Variants in YIPF7 observed in about 807,000 individuals in gnomAD.
YIPF7 encodes Yip1 domain family member 7, also known as protein YIPF7.
Under a neutral mutation model 27.2 loss-of-function variants are expected in YIPF7, and 35 were observed. The ratio of observed to expected loss-of-function variants is 1.29; its 90% CI spans 0.98 to 1.70. The LOEUF (loss-of-function observed/expected upper bound fraction) is 1.70, where lower values mean the gene tolerates loss of function less well. Among genes scored for constraint, YIPF7 ranks in the 40% most tolerant of loss-of-function variants. The probability of loss-of-function intolerance (pLI) is 0.00; values close to 1 mark genes in which losing one functional copy is unlikely to be tolerated. For missense variants in YIPF7, 358 were observed against 303.7 expected (o/e 1.18, Z -1.33); for synonymous variants, 137 against 110.4 (o/e 1.24, Z -1.51).
intron 5 of YIPF7, among the ~76,000 whole-genome samples, chr4:44,622,992 G>T (rs1443820270): frequency 6.6e-6 from 1 of 152,156 alleles, no homozygotes; most frequent in African/African-American, 2.4e-5. Flanking sequence ...ACATTCCAGT[G>T]GGGTGCCTAG....
chr4:44,639,072 A>G (rs938126788), intron 2 of YIPF7, among the ~76,000 whole-genome samples: 40 of 152,172 alleles, frequency 2.6e-4, no homozygotes, highest in African/African-American at 9.2e-4. Flanking sequence ...TAGCAGTACC[A>G]TGCTGTTCTG....
At chr4:44,637,448 G>C (rs1713167306) in intron 2 of YIPF7, among the ~76,000 whole-genome samples, 1 of 152,088 alleles carries the variant, frequency 6.6e-6, no homozygotes, top group African/African-American at 2.4e-5. Context: ...CTGACTGGGG[G>C]AAGATGATAT....
At chr4:44,624,265 C>T (rs536102968) in intron 5 of YIPF7, among the ~76,000 whole-genome samples, 14 of 151,812 alleles carry the variant, frequency 9.2e-5, no homozygotes, top group South Asian at 2.1e-4. Flanking sequence ...GGTTTCTCCA[C>T]GCTGGTTAGG....
intron 2 of YIPF7, among the ~76,000 whole-genome samples, chr4:44,641,941 A>T (rs1198179809): frequency 6.6e-6 from 1 of 152,234 alleles, no homozygotes; most frequent in East Asian, 1.9e-4. Context: ...AATTAGCAAT[A>T]GGAATCCGAA....
intron 3 of YIPF7, among the ~76,000 whole-genome samples, chr4:44,632,057 G>A (rs114309495): frequency 0.014 from 2,084 of 152,072 alleles, 24 homozygotes; most frequent in Middle Eastern, 0.031. Flanking sequence ...ATATTTTAAC[G>A]TCAAACCATG....
At chr4:44,660,093 G>GACAGAGCAAGACTCTGTCTCAAA (rs1714002784) in intron 2 of YIPF7, among the ~76,000 whole-genome samples, 1 of 69,338 alleles carries the variant, frequency 1.4e-5, no homozygotes, top group Non-Finnish European at 2.8e-5. Context: ...CAGCCTGGGT[G>GACAGAGCAAGACTCTGTCTCAAA]ACAGAGCAAG....
At chr4:44,631,126 T>C (rs541651831) in intron 3 of YIPF7, among the ~76,000 whole-genome samples, 1 of 152,324 alleles carries the variant, frequency 6.6e-6, no homozygotes, top group South Asian at 2.1e-4. Context: ...GATTAATTTG[T>C]CTGAAGACAC....
At chr4:44,624,360 G>A (rs1360856360) in intron 5 of YIPF7, among the ~76,000 whole-genome samples, 1 of 151,854 alleles carries the variant, frequency 6.6e-6, no homozygotes, top group African/African-American at 2.4e-5. Flanking sequence ...CACTGCGCCT[G>A]GCCAAAAAGT....
At chr4:44,638,271 C>A (rs1713207523) in intron 2 of YIPF7, among the ~76,000 whole-genome samples, 1 of 132,202 alleles carries the variant, frequency 7.6e-6, no homozygotes, top group Non-Finnish European at 1.6e-5. Flanking sequence ...AATCTTGAAT[C>A]ATTATTGGCT....
chr4:44,632,403 C>T (rs900840991), intron 3 of YIPF7, among the ~76,000 whole-genome samples: 8 of 152,120 alleles, frequency 5.3e-5, no homozygotes, highest in South Asian at 2.1e-4. Context: ...TCTCGAGCTA[C>T]GCTATAAATA....
chr4:44,647,169 C>A (rs1232586096), intron 2 of YIPF7, among the ~76,000 whole-genome samples: 1 of 152,034 alleles, frequency 6.6e-6, no homozygotes, highest in East Asian at 1.9e-4. Context: ...AGGCCGTCAA[C>A]CTGGTACTGT....
chr4:44,656,374 T>C (rs1713901793), upstream of YIPF7, among the ~76,000 whole-genome samples: 1 of 152,020 alleles, frequency 6.6e-6, no homozygotes. Flanking sequence ...GGAATAAAAC[T>C]TATTCTTACC....
At chr4:44,650,507 G>GCACA (rs3040316) in intron 1 of YIPF7, among the ~76,000 whole-genome samples, 12,207 of 137,032 alleles carry the variant, frequency 0.089, 771 homozygotes, top group African/African-American at 0.18. Flanking sequence ...GCGCGCGCGC[G>GCACA]CACACACACA....
Position 44,647,398 on chromosome 4 carries a change from C to T in YIPF7, c.116+2587G>A, listed in dbSNP as rs1491312. 3.9e-4 allele frequency among the ~76,000 whole-genome samples: 59 copies of T among 152,116 alleles called. 1 individual carries two copies. The Middle Eastern group carries it at 0.01, about 26-fold the overall frequency. On this transcript the variant is annotated intron_variant, in intron 2 of 5. Transcript: ENST00000415895. The stretch of plus-strand genomic sequence containing the variant: ...TGAAAATATCAATGCTACCCAAATA[C>T]CAATCTTATCTGGAAAAGAGGGTTG...
chr4:44,651,740 CT>C, upstream of YIPF7: 1 of 547,360 alleles, frequency 1.8e-6, no homozygotes. Flanking sequence ...AATACAGTAT[CT>C]TATAACACTT....
At chr4:44,627,024 C>T (rs1398507912) in intron 4 of YIPF7, among the ~76,000 whole-genome samples, 1 of 151,690 alleles carries the variant, frequency 6.6e-6, no homozygotes, top group African/African-American at 2.4e-5. Flanking sequence ...GCTCGTGATC[C>T]GCCCGCCTCG....
intron 2 of YIPF7, among the ~76,000 whole-genome samples, chr4:44,639,675 T>C (rs1713261163): frequency 6.6e-6 from 1 of 152,166 alleles, no homozygotes; most frequent in South Asian, 2.1e-4. Flanking sequence ...TTGGATGGCT[T>C]TTATTTTTCT....
Position 44,636,021 on chromosome 4 carries a change from C to T in YIPF7, c.181G>A (p.Gly61Ser), listed in dbSNP as rs372303368. ...FVPSEMLMSS[G>S]YAGQFFQPAS... is the part of the protein sequence containing the mutation. Reference sequence around the variant, plus strand: ...GGCTGAAAAAATTGTCCTGCGTAACCCGATGACATGAGCATCTCTGATGGA... The same window carrying T: ...GGCTGAAAAAATTGTCCTGCGTAACTCGATGACATGAGCATCTCTGATGGA... Residue 61 changes from glycine (G) to serine (S), a missense_variant, in exon 3 of 6, where the codon GGT (glycine) becomes AGT (serine). By Grantham distance (56) the Gly-to-Ser change is moderately conservative (BLOSUM62 0). Coordinates refer to ENST00000415895, the MANE Select transcript of YIPF7 (RefSeq NM_182592.3). The T allele has an allele frequency of 1.9e-6, 3 of 1,613,676 alleles. No individual in the cohort carries two copies. In the African/African-American group the frequency reaches 4.0e-5, roughly 22 times the overall value.
At chr4:44,634,923 T>A (rs1713053841) in intron 3 of YIPF7, among the ~76,000 whole-genome samples, 1 of 152,224 alleles carries the variant, frequency 6.6e-6, no homozygotes, top group Admixed American at 6.5e-5. Flanking sequence ...TAAAGATAAC[T>A]GATCCAGAAA....
Sources: allele counts gnomAD v4.1 joint callset (sites outside exome capture counted in the v4.1 genomes callset), GRCh38; gene constraint gnomAD v4.1.1; transcripts MANE v1.5; gene names NCBI Gene and HGNC (gene_info 2026-07-23, HGNC 2026-07-21).